ZPLD1: variants seen among roughly 807,000 people sequenced by gnomAD.
ZPLD1 encodes zona pellucida like domain containing 1.
In ZPLD1, 34 loss-of-function variants were observed where a neutral mutation model predicts 47.2. The observed-to-expected ratio is 0.72, with a 90% CI of 0.55 to 0.96. The LOEUF is 0.96. Among genes scored for constraint, ZPLD1 ranks in the 40% least tolerant of loss-of-function variants. The pLI, the probability that ZPLD1 is intolerant of heterozygous loss-of-function variation, is 0.00. For missense variants in ZPLD1, 512 were observed against 505.8 expected (o/e 1.01, Z -0.12); for synonymous variants, 176 against 186.2 (o/e 0.95, Z 0.45).
chr3:102,410,417 A>C (rs1186237307), intron 7 of ZPLD1, among the ~76,000 whole-genome samples: 2 of 151,788 alleles, frequency 1.3e-5, no homozygotes, highest in African/African-American at 4.8e-5. Context: ...TTAATTTCTC[A>C]TGAAAGCCTG....
At chr3:102,466,304 C>T (rs1707592336) in intron 8 of ZPLD1, among the ~76,000 whole-genome samples, 1 of 152,172 alleles carries the variant, frequency 6.6e-6, no homozygotes, top group African/African-American at 2.4e-5. Context: ...AAGGTATTTA[C>T]CATTCCACAT....
At chr3:102,418,958 T>C (rs1706843827) in intron 8 of ZPLD1, among the ~76,000 whole-genome samples, 2 of 152,066 alleles carry the variant, frequency 1.3e-5, no homozygotes, top group Admixed American at 1.3e-4. Context: ...ATTTTGCCTT[T>C]GGTGAAGCCA....
chr3:102,447,465 T>C (rs1707275097), intron 3 of ZPLD1, among the ~76,000 whole-genome samples: 1 of 152,248 alleles, frequency 6.6e-6, no homozygotes. Flanking sequence ...TCTTGAGTCA[T>C]TGCACTACAG....
chr3:102,413,942 A>G (rs916113453), intron 7 of ZPLD1, among the ~76,000 whole-genome samples: 3 of 151,904 alleles, frequency 2.0e-5, no homozygotes, highest in African/African-American at 7.2e-5. Context: ...GTTTCTGGCA[A>G]TGTTGGATAA....
intron 6 of ZPLD1, chr3:102,392,038 C>G (rs1378692422): frequency 1.3e-5 from 2 of 152,104 alleles, no homozygotes; most frequent in Non-Finnish European, 2.9e-5. Flanking sequence ...AAACAAACAA[C>G]AAAGAATATG....
At chr3:102,431,257 T>A (rs1458481577), upstream of ZPLD1, among the ~76,000 whole-genome samples, 3 of 152,218 alleles carry the variant, frequency 2.0e-5, no homozygotes. Context: ...AGGAGCAGCC[T>A]TTAGCATTCA....
Position 102,464,190 on chromosome 3 carries a change from TA to T in ZPLD1, c.701del (p.Tyr234PhefsTer49). 1 of 1,612,614 alleles carries T rather than the reference TA, an allele frequency of 6.2e-7. No homozygotes were observed. The highest frequency in any genetic ancestry group is 8.5e-7 in the Non-Finnish European group (1 of 1,178,878). ...LDGRWNVLMDYCYTTPSGNPN... is the reference protein window; with the variant it reads ...LDGRWNVLMDXCYTTPSGNPN... ...TTTCAGATGGAATGTTTTAATGGAT[TA>T]TTGCTATACTACCCCATCAGGAAAC... On this transcript the variant is annotated frameshift_variant, in exon 8 of 12. Coordinates refer to ENST00000466937, the MANE Select transcript of ZPLD1 (RefSeq NM_001329788.2). LOFTEE classifies it high-confidence loss of function.
chr3:102,454,150 G>A (rs1707378078), intron 4 of ZPLD1, among the ~76,000 whole-genome samples: 1 of 152,182 alleles, frequency 6.6e-6, no homozygotes, highest in African/African-American at 2.4e-5. Flanking sequence ...GGAGATGGAA[G>A]ACAGAGAAAA....
intron 11 of ZPLD1, 71 bp from the exon 12 acceptor site, chr3:102,477,372 G>A: frequency 6.8e-7 from 1 of 1,476,914 alleles, no homozygotes; most frequent in South Asian, 1.3e-5. Flanking sequence ...TGTTTTGCAG[G>A]TAAAATTGGG....
chr3:102,434,886 C>G (rs1462687267), upstream of ZPLD1: 1 of 495,934 alleles, frequency 2.0e-6, no homozygotes, highest in Non-Finnish European at 3.6e-6. Context: ...GAATCAGGTT[C>G]TACATTCTGA....
At chr3:102,459,318 C>G (rs6807210) in intron 6 of ZPLD1, among the ~76,000 whole-genome samples, 53,711 of 151,676 alleles carry the variant, frequency 0.35, 9,872 homozygotes, top group Middle Eastern at 0.47. Flanking sequence ...ATTATTTGTT[C>G]TAATTGAGTG....
At chr3:102,470,273 G>C in intron 9 of ZPLD1, 121 bp from the exon 10 acceptor site, 2 of 714,970 alleles carry the variant, frequency 2.8e-6, no homozygotes, top group Non-Finnish European at 2.4e-6. Flanking sequence ...TAAATGCACG[G>C]AAGGAAATGA....
chr3:102,476,347 T>C (rs887357276), intron 10 of ZPLD1, among the ~76,000 whole-genome samples: 2 of 152,058 alleles, frequency 1.3e-5, no homozygotes, highest in Admixed American at 6.5e-5. Flanking sequence ...ACAACAAAAA[T>C]TGGGAAATCA....
intron 3 of ZPLD1, among the ~76,000 whole-genome samples, chr3:102,446,362 G>T (rs910115297): frequency 6.6e-6 from 1 of 152,146 alleles, no homozygotes; most frequent in Non-Finnish European, 1.5e-5. Context: ...TCTGTTTTAA[G>T]TTTATTTCTC....
intron 3 of ZPLD1, among the ~76,000 whole-genome samples, chr3:102,439,696 C>G (rs1707146236): frequency 6.6e-6 from 1 of 151,996 alleles, no homozygotes. Flanking sequence ...GATCTTTGTC[C>G]TTACCACTCC....
At chr3:102,464,101 C>T (rs998124629) in intron 7 of ZPLD1, 70 bp from the exon 8 acceptor site, 9 of 1,027,242 alleles carry the variant, frequency 8.8e-6, no homozygotes, top group African/African-American at 3.2e-5. Context: ...ATATTTACTT[C>T]CCTTGTATTA....
chr3:102,423,761 G>A (rs1025540756), intron 8 of ZPLD1, among the ~76,000 whole-genome samples: 1 of 152,076 alleles, frequency 6.6e-6, no homozygotes, highest in Non-Finnish European at 1.5e-5. Flanking sequence ...AGATTTCAAC[G>A]TGGAGTTTTT....
At chr3:102,421,105 C>T (rs777262317) in intron 8 of ZPLD1, among the ~76,000 whole-genome samples, 8 of 151,778 alleles carry the variant, frequency 5.3e-5, no homozygotes, top group Non-Finnish European at 1.2e-4. Context: ...AAAATTTAAC[C>T]ATTCAAAAAG....
At chr3:102,467,421 T>A (rs926123558) in intron 8 of ZPLD1, among the ~76,000 whole-genome samples, 1 of 152,040 alleles carries the variant, frequency 6.6e-6, no homozygotes, top group Non-Finnish European at 1.5e-5. Context: ...CTATCAGATA[T>A]CACAATCAAT....
Sources: gnomAD v4.1 joint callset for allele counts (sites outside exome capture counted in the v4.1 genomes callset) on GRCh38, gnomAD v4.1.1 for gene constraint, MANE v1.5 for transcripts, NCBI Gene and HGNC (gene_info 2026-07-23, HGNC 2026-07-21) for gene names.